Variants in LRRC7 observed in about 807,000 individuals in gnomAD.
The protein encoded by LRRC7 is leucine rich repeat containing 7.
In LRRC7, 23 loss-of-function variants were observed where a neutral mutation model predicts 175.7. The observed-to-expected ratio is 0.13, with a 90% CI of 0.09 to 0.19. The LOEUF (loss-of-function observed/expected upper bound fraction) is 0.19, where lower values mean the gene tolerates loss of function less well. Among genes scored for constraint, LRRC7 ranks in the 10% least tolerant of loss-of-function variants. LRRC7 has a pLI of 1.00. For missense variants in LRRC7, 1,354 were observed against 1,904.7 expected (o/e 0.71, Z 5.38); for synonymous variants, 685 against 680.9 (o/e 1.01, Z -0.09).
chr1:69,646,353 A>G (rs1264408), intron 1 of LRRC7, among the ~76,000 whole-genome samples: 33,511 of 152,084 alleles, frequency 0.22, 4,181 homozygotes, highest in South Asian at 0.29. Flanking sequence ...TCTTTTTGGA[A>G]TAAGGCAATA....
intron 7 of LRRC7, chr1:69,919,450 A>T: frequency 1.0e-6 from 1 of 974,486 alleles, no homozygotes; most frequent in Non-Finnish European, 1.6e-6. Context: ...CACTAACCCC[A>T]GCCAGTGGGA....
chr1:69,994,256 G>A (rs1049523063), intron 10 of LRRC7, among the ~76,000 whole-genome samples: 3 of 152,132 alleles, frequency 2.0e-5, no homozygotes, highest in Non-Finnish European at 4.4e-5. Flanking sequence ...TGGTCCATTT[G>A]CTGAAGAATA....
intron 2 of LRRC7, among the ~76,000 whole-genome samples, chr1:69,737,279 G>A (rs1668223743): frequency 6.6e-6 from 1 of 152,022 alleles, no homozygotes; most frequent in Admixed American, 6.6e-5. Flanking sequence ...TTCCCATGCT[G>A]TTCTCGTGAT....
intron 1 of LRRC7, among the ~76,000 whole-genome samples, chr1:69,641,946 G>A (rs970849688): frequency 6.6e-6 from 1 of 151,772 alleles, no homozygotes; most frequent in African/African-American, 2.4e-5. Context: ...GTTGAATAAA[G>A]ATCTGGAAGT....
intron 14 of LRRC7, among the ~76,000 whole-genome samples, chr1:70,016,838 G>T (rs1657003630): frequency 6.6e-6 from 1 of 151,870 alleles, no homozygotes; most frequent in African/African-American, 2.4e-5. Context: ...GGTCCTTAGA[G>T]GATGTACTTT....
chr1:70,030,994 C>T (rs1281888272), intron 18 of LRRC7: 1 of 152,230 alleles, frequency 6.6e-6, no homozygotes, highest in East Asian at 1.9e-4. Flanking sequence ...ATGGCTAGCA[C>T]TTCCTCATCC....
chr1:70,063,342 T>A (rs61782645), intron 23 of LRRC7, among the ~76,000 whole-genome samples: 11,396 of 152,160 alleles, frequency 0.075, 537 homozygotes, highest in South Asian at 0.18. Flanking sequence ...ATTGTCTTTG[T>A]TTGGGGAGAA....
intron 1 of LRRC7, among the ~76,000 whole-genome samples, chr1:69,636,817 A>G (rs1426228539): frequency 6.6e-6 from 1 of 151,986 alleles, no homozygotes. Context: ...ATTACAATGG[A>G]CAGTCTAGTG....
intron 1 of LRRC7, among the ~76,000 whole-genome samples, chr1:69,583,128 T>C (rs1569686726): frequency 6.6e-6 from 1 of 152,042 alleles, no homozygotes; most frequent in East Asian, 1.9e-4. Flanking sequence ...GCATTTTATA[T>C]TTTAGGAATG....
intron 1 of LRRC7, among the ~76,000 whole-genome samples, chr1:69,677,849 G>A (rs921052945): frequency 1.9e-4 from 29 of 152,150 alleles, no homozygotes; most frequent in African/African-American, 5.5e-4. Flanking sequence ...GAAGTCCAAG[G>A]TCAAGGTGCT....
intron 1 of LRRC7, among the ~76,000 whole-genome samples, chr1:69,633,145 A>G (rs1270562892): frequency 1.3e-5 from 2 of 152,030 alleles, no homozygotes; most frequent in Non-Finnish European, 1.5e-5. Context: ...CTATTAAATC[A>G]ACAATAATAT....
At chr1:69,634,130 T>C (rs961553247) in intron 1 of LRRC7, among the ~76,000 whole-genome samples, 2 of 152,108 alleles carry the variant, frequency 1.3e-5, no homozygotes, top group Admixed American at 6.6e-5. Flanking sequence ...TCTAATTTTA[T>C]CTATTAATAC....
intron 1 of LRRC7, among the ~76,000 whole-genome samples, chr1:69,631,167 T>A (rs1652436605): frequency 6.6e-6 from 1 of 152,170 alleles, no homozygotes; most frequent in Non-Finnish European, 1.5e-5. Flanking sequence ...TGTCTGCACT[T>A]TTCGAAACCC....
intron 7 of LRRC7, among the ~76,000 whole-genome samples, chr1:69,882,503 G>C (rs1033476317): frequency 2.0e-5 from 3 of 151,864 alleles, no homozygotes; most frequent in African/African-American, 7.3e-5. Context: ...CATTATATAT[G>C]TACATACCTA....
intron 3 of LRRC7, among the ~76,000 whole-genome samples, chr1:69,765,711 C>T (rs1490892658): frequency 2.6e-5 from 4 of 152,068 alleles, no homozygotes; most frequent in African/African-American, 9.7e-5. Flanking sequence ...ATGCATTCAT[C>T]GTCACTGTCT....
At chr1:69,605,895 A>G (rs747210456) in intron 1 of LRRC7, among the ~76,000 whole-genome samples, 4 of 152,126 alleles carry the variant, frequency 2.6e-5, no homozygotes, top group Non-Finnish European at 5.9e-5. Context: ...TTATGACTGG[A>G]AAATAAAGTG....
At chr1:69,732,743 A>C (rs1667712079) in intron 2 of LRRC7, among the ~76,000 whole-genome samples, 1 of 152,100 alleles carries the variant, frequency 6.6e-6, no homozygotes, top group South Asian at 2.1e-4. Context: ...TTTTATATAC[A>C]AAAATATTTT....
At chr1:69,825,722 T>C (rs773640584) in intron 4 of LRRC7, 26 bp from the exon 5 acceptor site, 2 of 1,433,332 alleles carry the variant, frequency 1.4e-6, no homozygotes, top group South Asian at 2.4e-5. Flanking sequence ...AACATTTTCA[T>C]GTACTTTGTT....
intron 2 of LRRC7, among the ~76,000 whole-genome samples, chr1:69,757,657 G>C (rs1670578783): frequency 6.6e-6 from 1 of 151,942 alleles, no homozygotes; most frequent in Non-Finnish European, 1.5e-5. Context: ...GTTCAGGCCT[G>C]GATATTGTGT....
Sources: allele counts gnomAD v4.1 joint callset (sites outside exome capture counted in the v4.1 genomes callset), GRCh38; gene constraint gnomAD v4.1.1; transcripts MANE v1.5; gene names NCBI Gene and HGNC (gene_info 2026-07-23, HGNC 2026-07-21).